The following FARS2 variants were observed in gnomAD, a reference collection of about 807,000 sequenced individuals.
FARS2 encodes phenylalanine--tRNA ligase, mitochondrial.
A neutral mutation model predicts 46.4 loss-of-function variants in FARS2; 40 were observed. That is an observed-to-expected ratio of 0.86 (90% confidence interval 0.67 to 1.12). The LOEUF is 1.12. FARS2 is among the 50% of genes most tolerant of loss of function. FARS2 has a pLI of 0.00. For synonymous variants in FARS2, 234 were observed against 214.9 expected, an observed-to-expected ratio of 1.09 and a Z score of -0.78; for missense variants, 513 against 567.9, an observed-to-expected ratio of 0.90 and a Z score of 0.98.
intron 1 of FARS2, among the ~76,000 whole-genome samples, chr6:5,312,669 T>G (rs974252091): frequency 3.9e-5 from 6 of 152,202 alleles, no homozygotes; most frequent in African/African-American, 1.4e-4. Flanking sequence ...CCTAAAGAAA[T>G]GCCTCTCAGA....
At chr6:5,395,718 T>C (rs1263388335) in intron 2 of FARS2, among the ~76,000 whole-genome samples, 2 of 152,208 alleles carry the variant, frequency 1.3e-5, no homozygotes, top group South Asian at 2.1e-4. Context: ...ACTGTGTGCT[T>C]ATAATAATTT....
intron 4 of FARS2, among the ~76,000 whole-genome samples, chr6:5,462,156 G>A (rs1765279668): frequency 6.6e-6 from 1 of 152,078 alleles, no homozygotes; most frequent in East Asian, 1.9e-4. Flanking sequence ...GAATAATCAT[G>A]TTAAGCATCT....
chr6:5,563,386 C>T (rs1254449679), intron 5 of FARS2, among the ~76,000 whole-genome samples: 2 of 152,176 alleles, frequency 1.3e-5, no homozygotes, highest in Non-Finnish European at 2.9e-5. Context: ...TTTGGGTAGA[C>T]ACAGTTTCTA....
At chr6:5,442,498 G>A (rs1370043977) in intron 4 of FARS2, among the ~76,000 whole-genome samples, 1 of 151,892 alleles carries the variant, frequency 6.6e-6, no homozygotes, top group Admixed American at 6.6e-5. Flanking sequence ...ACTTCACCGG[G>A]GATTGTGTGT....
intron 1 of FARS2, among the ~76,000 whole-genome samples, chr6:5,263,661 C>G (rs1765348554): frequency 2.0e-5 from 3 of 152,078 alleles, no homozygotes; most frequent in African/African-American, 7.2e-5. Context: ...ACAGGAGGTA[C>G]CATTTAGGCA....
At chr6:5,571,845 T>C (rs1031200798) in intron 5 of FARS2, among the ~76,000 whole-genome samples, 3 of 152,056 alleles carry the variant, frequency 2.0e-5, no homozygotes, top group Admixed American at 6.6e-5. Context: ...GGCTCCCTCT[T>C]TACCCCCATC....
intron 4 of FARS2, among the ~76,000 whole-genome samples, chr6:5,491,545 A>G (rs1055799013): frequency 2.0e-5 from 3 of 152,152 alleles, no homozygotes; most frequent in African/African-American, 4.8e-5. Context: ...CGTATCATTA[A>G]TCACTTCCCT....
intron 4 of FARS2, among the ~76,000 whole-genome samples, chr6:5,499,620 C>A (rs1328997504): frequency 1.3e-5 from 2 of 152,132 alleles, no homozygotes; most frequent in Non-Finnish European, 2.9e-5. Flanking sequence ...TTAGAAAATT[C>A]AAACTTCCCT....
At chr6:5,493,067 C>T (rs982559119) in intron 4 of FARS2, among the ~76,000 whole-genome samples, 7 of 151,780 alleles carry the variant, frequency 4.6e-5, no homozygotes, top group African/African-American at 9.7e-5. Context: ...AGGAATGAGC[C>T]GCTTATTGGC....
intron 6 of FARS2, among the ~76,000 whole-genome samples, chr6:5,635,807 T>C (rs187433227): frequency 2.0e-5 from 3 of 152,298 alleles, no homozygotes; most frequent in Non-Finnish European, 2.9e-5. Flanking sequence ...AGAAGGCATG[T>C]GACATTTTGT....
chr6:5,738,925 C>T (rs903437890), intron 6 of FARS2, among the ~76,000 whole-genome samples: 12 of 152,168 alleles, frequency 7.9e-5, no homozygotes, highest in East Asian at 5.8e-4. Context: ...TAACAGCCAG[C>T]GCAGCCTGGA....
intron 6 of FARS2, among the ~76,000 whole-genome samples, chr6:5,736,745 G>A (rs1760979940): frequency 6.6e-6 from 1 of 151,874 alleles, no homozygotes; most frequent in Non-Finnish European, 1.5e-5. Flanking sequence ...ATATAGACCA[G>A]CATGAATTCA....
chr6:5,600,896 G>T (rs767198467), intron 5 of FARS2, among the ~76,000 whole-genome samples: 1 of 152,154 alleles, frequency 6.6e-6, no homozygotes, highest in Non-Finnish European at 1.5e-5. Flanking sequence ...TCCCAAATTC[G>T]TACTTTGAGA....
At chr6:5,703,813 C>T (rs1758580903) in intron 6 of FARS2, among the ~76,000 whole-genome samples, 1 of 152,200 alleles carries the variant, frequency 6.6e-6, no homozygotes, top group African/African-American at 2.4e-5. Context: ...CAGAGCTCTC[C>T]CACAGAGGCC....
chr6:5,659,044 GTTCC>G (rs1777729678), intron 6 of FARS2, among the ~76,000 whole-genome samples: 1 of 152,158 alleles, frequency 6.6e-6, no homozygotes, highest in Non-Finnish European at 1.5e-5. Context: ...GACTACAGTT[GTTCC>G]TTTACCATTC....
At chr6:5,504,586 G>A (rs1019909105) in intron 4 of FARS2, among the ~76,000 whole-genome samples, 19 of 151,946 alleles carry the variant, frequency 1.3e-4, no homozygotes, top group African/African-American at 3.6e-4. Flanking sequence ...ACTTCAAGTC[G>A]CACAAAATGC....
intron 4 of FARS2, among the ~76,000 whole-genome samples, chr6:5,437,682 C>T (rs1763604704): frequency 6.6e-6 from 1 of 152,080 alleles, no homozygotes; most frequent in African/African-American, 2.4e-5. Context: ...CCTTCCTCCC[C>T]AGTTACCTTT....
At chr6:5,381,232 C>T (rs1174715685) in intron 2 of FARS2, among the ~76,000 whole-genome samples, 1 of 151,792 alleles carries the variant, frequency 6.6e-6, no homozygotes, top group Non-Finnish European at 1.5e-5. Flanking sequence ...CTCCTGACCT[C>T]GTTATCCGCC....
chr6:5,760,076 TC>T (rs1041696878), intron 6 of FARS2, among the ~76,000 whole-genome samples: 5 of 152,264 alleles, frequency 3.3e-5, no homozygotes, highest in Admixed American at 2.6e-4. Context: ...GACCCAGAGT[TC>T]CCCTCAAAGG....
Sources: gnomAD v4.1 joint callset for allele counts (sites outside exome capture counted in the v4.1 genomes callset) on GRCh38, gnomAD v4.1.1 for gene constraint, MANE v1.5 for transcripts, NCBI Gene and HGNC (gene_info 2026-07-23, HGNC 2026-07-21) for gene names.